The following EXOC4 variants were observed in gnomAD, a reference collection of about 807,000 sequenced individuals.
EXOC4 encodes SEC8-like 1.
EXOC4 carries 71 observed loss-of-function variants against 107.2 expected under a neutral mutation model. The observed-to-expected ratio is 0.66, with a 90% confidence interval of 0.55 to 0.81. The LOEUF (loss-of-function observed/expected upper bound fraction) is 0.81. Among genes scored for constraint, EXOC4 ranks in the 30% least tolerant of loss-of-function variants. The probability of loss-of-function intolerance (pLI) is 0.00; values close to 1 mark genes in which losing one functional copy is unlikely to be tolerated. For missense variants in EXOC4, 1,108 were observed against 1,189.6 expected, an observed-to-expected ratio of 0.93 and a Z score of 1.01; for synonymous variants, 456 against 441.2, an observed-to-expected ratio of 1.03 and a Z score of -0.42.
intron 7 of EXOC4, among the ~76,000 whole-genome samples, chr7:133,376,062 AAG>A (rs1286438728): frequency 1.3e-5 from 2 of 152,320 alleles, no homozygotes; most frequent in South Asian, 2.1e-4. Context: ...CATGGCAAAT[AAG>A]AGTCTTTGCA....
At chr7:134,064,249 C>A in intron 17 of EXOC4, 42 bp from the exon 18 acceptor site, 1 of 1,317,180 alleles carries the variant, frequency 7.6e-7, no homozygotes. Context: ...ACGACGTTAC[C>A]AGTGGGGAGC....
In EXOC4 at chr7:133,538,385, T is replaced by G. The variant is rs144991563; in HGVS notation, c.1417+58247T>G. ...ATCCGTAGCTTGACAAACATCTCCT[T>G]TCTGGTTCTTAAAATATTTTACTCT... On this transcript the variant is annotated intron_variant, in intron 9 of 17. Transcript: ENST00000253861. 5.7e-3 allele frequency among the ~76,000 whole-genome samples: 865 copies of G among 152,334 alleles called. 9 individuals carry two copies. Among genetic ancestry groups the G allele is most frequent in the African/African-American group, 0.02 (819 of 41,592 alleles).
At chr7:133,602,536 C>T (rs986427785) in intron 9 of EXOC4, among the ~76,000 whole-genome samples, 2 of 152,156 alleles carry the variant, frequency 1.3e-5, no homozygotes, top group Non-Finnish European at 2.9e-5. Flanking sequence ...GAACTAAAAG[C>T]TGTAACAAAA....
At chr7:133,429,924 G>A (rs1251094015) in intron 7 of EXOC4, among the ~76,000 whole-genome samples, 1 of 152,214 alleles carries the variant, frequency 6.6e-6, no homozygotes, top group Non-Finnish European at 1.5e-5. Context: ...AGGCAAACGG[G>A]TGCCAGGGCT....
intron 10 of EXOC4, among the ~76,000 whole-genome samples, chr7:133,643,460 C>G (rs1288217230): frequency 1.3e-5 from 2 of 152,186 alleles, no homozygotes; most frequent in South Asian, 2.1e-4. Flanking sequence ...CACAGACACA[C>G]GCACAATCCG....
chr7:133,678,057 A>T (rs895286397), intron 10 of EXOC4, among the ~76,000 whole-genome samples: 8 of 152,220 alleles, frequency 5.3e-5, no homozygotes, highest in African/African-American at 1.9e-4. Context: ...GAACTTTATG[A>T]TATGTAAATT....
intron 6 of EXOC4, among the ~76,000 whole-genome samples, chr7:133,362,930 T>C (rs182126956): frequency 6.6e-6 from 1 of 152,314 alleles, no homozygotes; most frequent in Admixed American, 6.5e-5. Context: ...AGAGCAGCTT[T>C]GAAGCAAGGT....
intron 14 of EXOC4, among the ~76,000 whole-genome samples, chr7:133,980,456 A>G (rs1014519913): frequency 1.3e-5 from 2 of 152,258 alleles, no homozygotes; most frequent in Non-Finnish European, 2.9e-5. Flanking sequence ...CTGAAAATGT[A>G]GTCACTTCAA....
intron 11 of EXOC4, among the ~76,000 whole-genome samples, chr7:133,838,801 C>T (rs1186889084): frequency 1.3e-5 from 2 of 152,090 alleles, no homozygotes; most frequent in African/African-American, 4.8e-5. Context: ...ATTGTGCCAT[C>T]GTAGTATAAG....
intron 3 of EXOC4, among the ~76,000 whole-genome samples, chr7:133,305,083 T>C (rs80333568): frequency 1.3e-5 from 2 of 151,942 alleles, no homozygotes; most frequent in Admixed American, 1.3e-4. Flanking sequence ...TTTTTTTTTT[T>C]CCTTTGCAGA....
Position 133,605,830 on chromosome 7 carries a change from A to G in EXOC4, c.1418-24215A>G, listed in dbSNP as rs1585027803. Among the ~76,000 whole-genome samples, 4 of 152,222 alleles carry G rather than the reference A, an allele frequency of 2.6e-5. No homozygotes were observed. The South Asian group carries it at 8.3e-4, about 32-fold the overall frequency. On this transcript the variant is annotated intron_variant, in intron 9 of 17. Transcript: ENST00000253861. ...GGTTAAATGAAATCTGCTAGGGAGT[A>G]TAGGTAGAGCAGAGGGAGGTTCGGG...
chr7:133,753,371 C>T (rs1328213872), intron 10 of EXOC4, among the ~76,000 whole-genome samples: 1 of 152,098 alleles, frequency 6.6e-6, no homozygotes. Context: ...CATTGACATC[C>T]AAGGATGACA....
At chr7:133,951,129 A>G (rs566159604) in intron 14 of EXOC4, among the ~76,000 whole-genome samples, 193 of 152,324 alleles carry the variant, frequency 1.3e-3, no homozygotes, top group South Asian at 2.1e-3. Flanking sequence ...CCTGCAAAAC[A>G]AATGAGGAGG....
intron 5 of EXOC4, among the ~76,000 whole-genome samples, chr7:133,344,495 G>T (rs557113096): frequency 3.4e-4 from 51 of 152,154 alleles, no homozygotes; most frequent in Non-Finnish European, 2.9e-5. Flanking sequence ...TCTTTGTTTT[G>T]GTAGCATCGG....
chr7:133,889,268 A>G (rs943808075), intron 11 of EXOC4, among the ~76,000 whole-genome samples: 1 of 152,062 alleles, frequency 6.6e-6, no homozygotes, highest in African/African-American at 2.4e-5. Flanking sequence ...GCGACTTGAA[A>G]ATCCCTATTC....
At chr7:134,060,599 T>C (rs775204249) in intron 17 of EXOC4, among the ~76,000 whole-genome samples, 35 of 152,220 alleles carry the variant, frequency 2.3e-4, no homozygotes, top group Non-Finnish European at 4.7e-4. Context: ...TTATCCCTAT[T>C]GGGTGACATG....
chr7:133,597,750 C>T (rs1278140240), intron 9 of EXOC4, among the ~76,000 whole-genome samples: 2 of 151,936 alleles, frequency 1.3e-5, no homozygotes. Context: ...TGTCATCACA[C>T]CTGTAATCCC....
chr7:133,872,150 TAAG>T (rs1413568132), intron 11 of EXOC4, among the ~76,000 whole-genome samples: 1 of 151,972 alleles, frequency 6.6e-6, no homozygotes. Context: ...GGGAGACAAA[TAAG>T]AAGAAAATTA....
At chr7:133,268,614 G>A (rs551530600) in intron 1 of EXOC4, among the ~76,000 whole-genome samples, 13 of 152,172 alleles carry the variant, frequency 8.5e-5, no homozygotes, top group Non-Finnish European at 1.5e-4. Flanking sequence ...ACATTTGATC[G>A]TCTACACTGA....
Sources: gnomAD v4.1 joint callset for allele counts (sites outside exome capture counted in the v4.1 genomes callset) on GRCh38, gnomAD v4.1.1 for gene constraint, MANE v1.5 for transcripts, NCBI Gene and HGNC (gene_info 2026-07-23, HGNC 2026-07-21) for gene names.